GALNT13: variants seen among roughly 807,000 people sequenced by gnomAD.
GALNT13 encodes the protein UDP-GalNAc:polypeptide N-acetylgalactosaminyltransferase 13.
GALNT13 carries 28 observed loss-of-function variants against 64.2 expected under a neutral mutation model. The observed-to-expected ratio is 0.44, with a 90% CI of 0.32 to 0.60. The LOEUF (loss-of-function observed/expected upper bound fraction) is 0.60, where lower values mean the gene tolerates loss of function less well. Ranked by LOEUF, GALNT13 falls within the 20% of genes least tolerant of loss-of-function variation. The pLI, the probability that GALNT13 is intolerant of heterozygous loss-of-function variation, is 0.05. For missense variants in GALNT13, 577 were observed against 669.8 expected (o/e 0.86, Z 1.53); for synonymous variants, 214 against 224.6 (o/e 0.95, Z 0.42).
chr2:154,006,832 A>G (rs778379650), intron 3 of GALNT13, among the ~76,000 whole-genome samples: 1 of 152,176 alleles, frequency 6.6e-6, no homozygotes, highest in South Asian at 2.1e-4. Flanking sequence ...AATTGATACC[A>G]CTAAAGTGTT....
the GALNT13 span, among the ~76,000 whole-genome samples, chr2:153,747,001 T>G: frequency 1.3e-5 from 2 of 152,170 alleles, no homozygotes; most frequent in African/African-American, 2.4e-5. Flanking sequence ...CTTTGTTGAT[T>G]ATTTATGGCA....
At chr2:154,347,908 A>C (rs1336128287) in intron 9 of GALNT13, among the ~76,000 whole-genome samples, 6 of 152,204 alleles carry the variant, frequency 3.9e-5, no homozygotes, top group Non-Finnish European at 8.8e-5. Flanking sequence ...GCTCAAAGTC[A>C]GTATGCTCTT....
At chr2:154,287,338 G>A (rs1692328183) in intron 8 of GALNT13, 2 of 592,702 alleles carry the variant, frequency 3.4e-6, no homozygotes, top group East Asian at 6.4e-5. Context: ...GTTGGAAGCA[G>A]CGAGACATTG....
the GALNT13 span, among the ~76,000 whole-genome samples, chr2:153,153,529 A>G: frequency 4.6e-4 from 70 of 152,154 alleles, 1 homozygote; most frequent in East Asian, 0.013. Context: ...TTTGGGTTTT[A>G]CATTTAAGTC....
At chr2:153,173,695 A>T in the GALNT13 span, among the ~76,000 whole-genome samples, 1 of 151,984 alleles carries the variant, frequency 6.6e-6, no homozygotes. Context: ...TAATACATTC[A>T]CCCCATCCCA....
At chr2:153,959,722 G>C (rs1264002380) in intron 3 of GALNT13, among the ~76,000 whole-genome samples, 9 of 152,226 alleles carry the variant, frequency 5.9e-5, no homozygotes. Flanking sequence ...GCTTGGGTGA[G>C]TTTGGCAGGG....
At chr2:153,608,345 C>G in the GALNT13 span, among the ~76,000 whole-genome samples, 4 of 152,054 alleles carry the variant, frequency 2.6e-5, no homozygotes, top group Non-Finnish European at 5.9e-5. Flanking sequence ...TCTCTTATAT[C>G]CCACCCACGG....
chr2:154,030,867 G>C lies in GALNT13; in HGVS notation c.142+86228G>C, dbSNP rs567338510. Reference sequence around the variant, plus strand: ...TAGTCATGCTTCCTGTCAAGCCTGTGGAACTGTGTGTCAATTAACCCTCTT... The same window carrying C: ...TAGTCATGCTTCCTGTCAAGCCTGTCGAACTGTGTGTCAATTAACCCTCTT... On this transcript the variant is annotated intron_variant, in intron 3 of 12. Coordinates refer to ENST00000392825, the MANE Select transcript of GALNT13 (RefSeq NM_052917.4). Among the ~76,000 whole-genome samples, 25 of 152,154 alleles carry C rather than the reference G, an allele frequency of 1.6e-4. No individual in the cohort carries two copies. The South Asian group carries it at 5.0e-3, about 30-fold the overall frequency.
At position 154,189,787 on chromosome 2, in the gene GALNT13, G is replaced by A. The variant is rs1425978827; in HGVS notation, c.311+49282G>A. Among the ~76,000 whole-genome samples, 3 of 152,026 alleles carry A rather than the reference G, an allele frequency of 2.0e-5. No individual in the cohort carries two copies. In the East Asian group the frequency reaches 5.8e-4, roughly 29 times the overall value. ...TATTCCACCATCCACTCCTACTATGGTGGAGTAGGATAAGAATGGATTAGT... is the reference window on the plus strand; with the variant it reads ...TATTCCACCATCCACTCCTACTATGATGGAGTAGGATAAGAATGGATTAGT... On this transcript the variant is annotated intron_variant, in intron 4 of 12. Coordinates refer to ENST00000392825, the MANE Select transcript of GALNT13 (RefSeq NM_052917.4).
intron 8 of GALNT13, among the ~76,000 whole-genome samples, chr2:154,274,358 A>T (rs937935556): frequency 6.6e-6 from 1 of 152,188 alleles, no homozygotes; most frequent in Admixed American, 6.5e-5. Flanking sequence ...TGTGAAAAGA[A>T]GCAGAAAAGC....
chr2:153,106,134 C>T, the GALNT13 span, among the ~76,000 whole-genome samples: 2 of 152,252 alleles, frequency 1.3e-5, no homozygotes, highest in African/African-American at 4.8e-5. Flanking sequence ...ATAACTCCCT[C>T]AAAGATTACT....
At chr2:153,132,745 G>A in the GALNT13 span, among the ~76,000 whole-genome samples, 1 of 152,072 alleles carries the variant, frequency 6.6e-6, no homozygotes, top group South Asian at 2.1e-4. Flanking sequence ...TTTAAGACAA[G>A]TTCTCACTCT....
At chr2:153,676,485 G>T in the GALNT13 span, among the ~76,000 whole-genome samples, 1 of 152,028 alleles carries the variant, frequency 6.6e-6, no homozygotes, top group Non-Finnish European at 1.5e-5. Flanking sequence ...AAAAATTGAA[G>T]AGGAGGAATT....
At chr2:154,172,587 G>T (rs1685420417) in intron 4 of GALNT13, among the ~76,000 whole-genome samples, 1 of 151,912 alleles carries the variant, frequency 6.6e-6, no homozygotes, top group Non-Finnish European at 1.5e-5. Context: ...ATGACGTCAA[G>T]TTCCATTCAC....
chr2:153,092,502 C>T, the GALNT13 span, among the ~76,000 whole-genome samples: 2 of 151,886 alleles, frequency 1.3e-5, no homozygotes, highest in African/African-American at 4.8e-5. Flanking sequence ...TTTTGGTGTC[C>T]TCTTCAATTT....
At chr2:153,193,652 T>TTAA in the GALNT13 span, among the ~76,000 whole-genome samples, 1 of 148,776 alleles carries the variant, frequency 6.7e-6, no homozygotes, top group African/African-American at 2.5e-5. Context: ...TTCATTTTAA[T>TTAA]AAAAAAAAAA....
chr2:153,427,018 T>C, the GALNT13 span, among the ~76,000 whole-genome samples: 1 of 151,940 alleles, frequency 6.6e-6, no homozygotes, highest in Non-Finnish European at 1.5e-5. Context: ...TAAAGGTGTC[T>C]CAAGCAGCAG....
the GALNT13 span, among the ~76,000 whole-genome samples, chr2:153,743,883 C>T: frequency 6.6e-6 from 1 of 152,054 alleles, no homozygotes; most frequent in Non-Finnish European, 1.5e-5. Flanking sequence ...AAGTTCAATT[C>T]CTTTGGTTTT....
At chr2:154,069,935 G>C (rs148269273) in intron 3 of GALNT13, among the ~76,000 whole-genome samples, 1 of 152,090 alleles carries the variant, frequency 6.6e-6, no homozygotes, top group Non-Finnish European at 1.5e-5. Context: ...TGATGAAACA[G>C]TGACAACATA....
Sources: allele counts gnomAD v4.1 joint callset (sites outside exome capture counted in the v4.1 genomes callset), GRCh38; gene constraint gnomAD v4.1.1; transcripts MANE v1.5; gene names NCBI Gene and HGNC (gene_info 2026-07-23, HGNC 2026-07-21).